Variants in PIWIL1 observed in about 807,000 individuals in gnomAD.
The protein encoded by PIWIL1 is piwi-like protein 1.
PIWIL1 carries 73 observed loss-of-function variants against 114.4 expected under a neutral mutation model. That is an observed-to-expected ratio of 0.64 (90% CI 0.53 to 0.78). The LOEUF is 0.78. Among genes scored for constraint, PIWIL1 ranks in the 30% least tolerant of loss-of-function variants. The probability of loss-of-function intolerance (pLI) is 0.00; values close to 1 mark genes in which losing one functional copy is unlikely to be tolerated. For missense variants in PIWIL1, 723 were observed against 1,063.1 expected (o/e 0.68, Z 4.45); for synonymous variants, 375 against 369.0 (o/e 1.02, Z -0.19).
At chr12:130,349,180 T>G in intron 7 of PIWIL1, 59 bp from the exon 8 acceptor site, 1 of 1,250,428 alleles carries the variant, frequency 8.0e-7, no homozygotes, top group Non-Finnish European at 1.2e-6. Context: ...CGCAACTTAG[T>G]GTGTGCAGAA....
At chr12:130,406,301 T>A in the PIWIL1 span, 1 of 1,145,972 alleles carries the variant, frequency 8.7e-7, no homozygotes, top group Non-Finnish European at 1.3e-6. Flanking sequence ...AGTAGTTTTT[T>A]AAAAATAAGT....
intron 12 of PIWIL1, 114 bp downstream of exon 12, chr12:130,355,781 A>G (rs951317790): frequency 1.4e-6 from 1 of 729,062 alleles, no homozygotes; most frequent in Admixed American, 2.2e-5. Context: ...CGAGTAAGGC[A>G]GTTTTTAAAG....
At chr12:130,385,531 A>G in the PIWIL1 span, among the ~76,000 whole-genome samples, 1 of 152,338 alleles carries the variant, frequency 6.6e-6, no homozygotes, top group East Asian at 1.9e-4. Flanking sequence ...GCTTTAATAT[A>G]TGATGCAGTT....
Position 130,338,159 on chromosome 12 carries a change from G to T in PIWIL1, c.-13+13G>T, listed in dbSNP as rs115678734. 6.7e-3 allele frequency: 2,173 copies of T among 322,862 alleles called. 47 individuals are homozygous for T. The highest frequency in any genetic ancestry group is 0.046 in the African/African-American group (1,961 of 42,918). 20.0% of individuals were successfully genotyped at this position (322,862 alleles called of 1,614,324 possible). A position where few individuals can be genotyped will look rare whatever the true frequency, so the allele number is the denominator to read the frequency against. ...GCAGCGGTCCAAGGTGCGGGGCCAG[G>T]CTGAGGTGCTAGGTGTGCGGGGGCC... On this transcript the variant is annotated intron_variant, in intron 1 of 20. Coordinates refer to ENST00000245255, the MANE Select transcript of PIWIL1 (RefSeq NM_004764.5).
intron 1 of PIWIL1, among the ~76,000 whole-genome samples, chr12:130,340,712 A>G (rs536541018): frequency 1.2e-4 from 18 of 151,680 alleles, no homozygotes; most frequent in Non-Finnish European, 2.4e-4. Context: ...CTGCCTGTAG[A>G]TTATCAGTAA....
the PIWIL1 span, chr12:130,407,593 C>T: frequency 1.9e-5 from 15 of 782,916 alleles, no homozygotes; most frequent in South Asian, 8.7e-5. Flanking sequence ...TCCCTCGGAT[C>T]GGCAGCCCTT....
the PIWIL1 span, chr12:130,424,969 A>C: frequency 9.7e-6 from 5 of 512,958 alleles, no homozygotes; most frequent in Non-Finnish European, 8.7e-6. The surrounding 1 kb of genome is among the most constrained non-coding windows in gnomAD (Gnocchi z 9.8). Context: ...GGAGGCACCG[A>C]GGGGGGGGAA....
At chr12:130,400,016 T>G in the PIWIL1 span, among the ~76,000 whole-genome samples, 1 of 152,036 alleles carries the variant, frequency 6.6e-6, no homozygotes, top group Non-Finnish European at 1.5e-5. Flanking sequence ...TTTCCTGGGG[T>G]CTTGATTTCT....
intron 3 of PIWIL1, among the ~76,000 whole-genome samples, chr12:130,344,197 A>G (rs572205652): frequency 1.6e-4 from 25 of 152,338 alleles, no homozygotes; most frequent in African/African-American, 4.8e-4. Flanking sequence ...TTTAAGACAA[A>G]TTAAAAATTT....
chr12:130,423,450 A>C, the PIWIL1 span, among the ~76,000 whole-genome samples: 2 of 152,212 alleles, frequency 1.3e-5, no homozygotes, highest in African/African-American at 4.8e-5. Flanking sequence ...TTCAATGAAA[A>C]GGTCAGCATG....
chr12:130,424,577 C>T, the PIWIL1 span: 4 of 1,231,868 alleles, frequency 3.2e-6, no homozygotes, highest in Non-Finnish European at 4.0e-6. The surrounding 1 kb of genome is among the most constrained non-coding windows in gnomAD (Gnocchi z 9.8). Flanking sequence ...GAAGGAAGTC[C>T]TCCACGTGGG....
chr12:130,341,215 A>G (rs1378401368), intron 1 of PIWIL1, among the ~76,000 whole-genome samples: 2 of 151,568 alleles, frequency 1.3e-5, no homozygotes, highest in Non-Finnish European at 2.9e-5. Context: ...GAAATCCTCC[A>G]CTCCCCTTGC....
chr12:130,424,991 C>T, the PIWIL1 span: 3 of 467,826 alleles, frequency 6.4e-6, no homozygotes, highest in Non-Finnish European at 1.0e-5. This position sits in a 1 kb window ranked among gnomAD's most constrained non-coding sequence, Gnocchi z 9.8. Context: ...CATGCGTCTA[C>T]TCAGGCCGGG....
intron 7 of PIWIL1, 61 bp from the exon 8 acceptor site, chr12:130,349,178 A>G: frequency 8.1e-7 from 1 of 1,232,716 alleles, no homozygotes; most frequent in South Asian, 1.3e-5. Flanking sequence ...AACGCAACTT[A>G]GTGTGTGCAG....
chr12:130,350,008 A>G, intron 9 of PIWIL1, 41 bp downstream of exon 9: 1 of 1,122,772 alleles, frequency 8.9e-7, no homozygotes, highest in Non-Finnish European at 1.3e-6. Flanking sequence ...AATCCAAAAT[A>G]TCTTTGGTAG....
chr12:130,411,355 C>G, the PIWIL1 span, among the ~76,000 whole-genome samples: 4 of 152,142 alleles, frequency 2.6e-5, no homozygotes, highest in African/African-American at 9.7e-5. Flanking sequence ...CTTCCCCTCA[C>G]CATGTCGCCC....
At chr12:130,384,469 T>C in the PIWIL1 span, among the ~76,000 whole-genome samples, 1 of 152,184 alleles carries the variant, frequency 6.6e-6, no homozygotes, top group Admixed American at 6.5e-5. Context: ...TACCAGCACA[T>C]AGGCACGGGT....
the PIWIL1 span, among the ~76,000 whole-genome samples, chr12:130,387,956 T>A: frequency 6.6e-6 from 1 of 152,376 alleles, no homozygotes. Flanking sequence ...GTCAGAAATA[T>A]GTTCATCTGT....
At chr12:130,386,437 A>C in the PIWIL1 span, among the ~76,000 whole-genome samples, 2 of 63,962 alleles carry the variant, frequency 3.1e-5, no homozygotes, top group Admixed American at 1.5e-4. Context: ...ACCCATGCAC[A>C]CTACCCCTTC....
Sources: gnomAD v4.1 joint callset for allele counts (sites outside exome capture counted in the v4.1 genomes callset) on GRCh38, gnomAD v4.1.1 for gene constraint, Gnocchi (gnomAD v3.1) non-coding constraint, MANE v1.5 for transcripts, NCBI Gene and HGNC (gene_info 2026-07-23, HGNC 2026-07-21) for gene names.